HPS3: variants seen among roughly 807,000 people sequenced by gnomAD.
HPS3 encodes HPS3 biogenesis of lysosomal organelles complex 2 subunit 1.
In HPS3, 79 loss-of-function variants were observed where a neutral mutation model predicts 110.9. The observed-to-expected ratio is 0.71, with a 90% CI of 0.59 to 0.86. The LOEUF is 0.86. Among genes scored for constraint, HPS3 ranks in the 40% least tolerant of loss-of-function variants. The probability of loss-of-function intolerance (pLI) is 0.00; values close to 1 mark genes in which losing one functional copy is unlikely to be tolerated. For synonymous variants in HPS3, 428 were observed against 451.0 expected, an observed-to-expected ratio of 0.95 and a Z score of 0.65; for missense variants, 1,197 against 1,206.2, an observed-to-expected ratio of 0.99 and a Z score of 0.11.
At chr3:149,131,962 A>T (rs893885999) in intron 1 of HPS3, among the ~76,000 whole-genome samples, 1 of 152,254 alleles carries the variant, frequency 6.6e-6, no homozygotes, top group Non-Finnish European at 1.5e-5. Flanking sequence ...CCCAGGCTTA[A>T]TACAGAGCAA....
rs760787980 is a variant in HPS3 at position 149,160,280 on chromosome 3, G to T, written c.2106+1G>T. 6.3e-7 allele frequency: 1 copy of T among 1,594,554 alleles called. No homozygotes were observed. Among genetic ancestry groups the T allele is most frequent in the Non-Finnish European group, 8.6e-7 (1 of 1,162,334 alleles). On this transcript the variant is annotated splice_donor_variant, in intron 11 of 16. Transcript: ENST00000296051. LOFTEE classifies it high-confidence loss of function. ...AAATGAAATGAAAAGCCATTCAGAG[G>T]TATGGAGCTCTGCCCGGTGCTAACA...
At chr3:149,138,611 G>A (rs954674055) in intron 1 of HPS3, among the ~76,000 whole-genome samples, 1 of 152,166 alleles carries the variant, frequency 6.6e-6, no homozygotes, top group Non-Finnish European at 1.5e-5. Flanking sequence ...CATGCCATCA[G>A]CAAAGTCAAA....
chr3:149,172,134 A>C lies in HPS3; in HGVS notation c.2927A>C (p.Asp976Ala). 1 of 1,612,774 alleles carries C rather than the reference A, an allele frequency of 6.2e-7. No individual in the cohort carries two copies. The highest frequency in any genetic ancestry group is 2.2e-5 in the East Asian group (1 of 44,850). The change falls in exon 17 of 17, where the codon GAT (aspartate) becomes GCT (alanine). Residue 976 changes from aspartate (D) to alanine (A), a missense_variant. Coordinates refer to ENST00000296051, the MANE Select transcript of HPS3 (RefSeq NM_032383.5). ...GTTGCTGTGGAACTAGAACTGAAGG[A>C]TTTCATGAATGTTCTCCCAGAAGAT... ...SIVAVELELK[D>A]FMNVLPEDGT...
intron 5 of HPS3, among the ~76,000 whole-genome samples, chr3:149,146,165 C>G (rs1176006706): frequency 6.6e-6 from 1 of 152,150 alleles, no homozygotes; most frequent in East Asian, 1.9e-4. Flanking sequence ...GGTTTTGGTT[C>G]TATTTCCTGT....
chr3:149,153,440 T>C (rs1160658280), intron 6 of HPS3, 54 bp from the exon 7 acceptor site: 3 of 1,454,910 alleles, frequency 2.1e-6, no homozygotes, highest in Non-Finnish European at 2.9e-6. Context: ...TTTTTGAAGA[T>C]TGAAGTGCAT....
chr3:149,148,192 G>A (rs1456169238), intron 5 of HPS3, among the ~76,000 whole-genome samples: 1 of 151,758 alleles, frequency 6.6e-6, no homozygotes, highest in African/African-American at 2.4e-5. Context: ...TATTTTACCC[G>A]ATAGATAAAT....
At chr3:149,154,096 T>G (rs948419066) in intron 7 of HPS3, 3 of 165,844 alleles carry the variant, frequency 1.8e-5, no homozygotes, top group Non-Finnish European at 3.9e-5. Flanking sequence ...TCTATAGATA[T>G]GTGCTCATGT....
intron 7 of HPS3, among the ~76,000 whole-genome samples, chr3:149,154,292 T>G (rs1350193559): frequency 6.6e-6 from 1 of 152,252 alleles, no homozygotes; most frequent in Admixed American, 6.5e-5. Context: ...GAAAGAAATC[T>G]CTTCAGGGAG....
chr3:149,164,901 A>G (rs940237022), intron 14 of HPS3, among the ~76,000 whole-genome samples: 1 of 152,120 alleles, frequency 6.6e-6, no homozygotes, highest in Non-Finnish European at 1.5e-5. Flanking sequence ...TGAATTTGCA[A>G]TACCTCATTT....
In HPS3 at chr3:149,167,918, C is replaced by G. The variant is rs763642390; in HGVS notation, c.2822C>G (p.Pro941Arg). Residue 941 changes from proline (P) to arginine (R), a missense_variant, in exon 16 of 17, where the codon CCT becomes CGT. Pro to Arg is a moderately radical substitution (Grantham distance 103, BLOSUM62 -2). Transcript: ENST00000296051. ...ACTCTGTGGTGGAAAAAACTGTTGC[C>G]TGAACTTTGTCAGAGAATAAAATGT... ...NRTLWWKKLLPELCQRIKCGG... is the reference protein window; with the variant it reads ...NRTLWWKKLLRELCQRIKCGG... 6.2e-7 allele frequency: 1 copy of G among 1,606,798 alleles called. No individual in the cohort carries two copies. Among genetic ancestry groups the G allele is most frequent in the Admixed American group, 1.7e-5 (1 of 59,994 alleles).
At chr3:149,145,091 A>T (rs1298646783) in intron 4 of HPS3, among the ~76,000 whole-genome samples, 1 of 152,140 alleles carries the variant, frequency 6.6e-6, no homozygotes, top group Non-Finnish European at 1.5e-5. Context: ...GAGCTCTGCC[A>T]GTGGACTCTT....
At chr3:149,168,477 G>A in intron 16 of HPS3, 1 of 172,378 alleles carries the variant, frequency 5.8e-6, no homozygotes, top group Non-Finnish European at 1.2e-5. Flanking sequence ...AATCTTGGTA[G>A]ATATGTAATC....
At chr3:149,130,306 A>G (rs1721681344) in intron 1 of HPS3, 1 of 339,178 alleles carries the variant, frequency 2.9e-6, no homozygotes, top group African/African-American at 2.1e-5. Flanking sequence ...AAGTAGGAAT[A>G]AGGAGACTAG....
At position 149,162,789 on chromosome 3, in the gene HPS3, C is replaced by A; in HGVS notation, c.2392C>A (p.Leu798Ile). 1.2e-6 allele frequency: 2 copies of A among 1,614,020 alleles called. No individual in the cohort carries two copies. Among genetic ancestry groups the A allele is most frequent in the Non-Finnish European group, 1.7e-6 (2 of 1,179,936 alleles). Residue 798 changes from leucine to isoleucine, a missense_variant, in exon 13 of 17, where the codon CTC (leucine) becomes ATC (isoleucine). Leu to Ile is a conservative substitution (Grantham distance 5). Transcript: ENST00000296051. ...ACLPDVVLQE[L>I]FFKLTSQYIW... ...TCTCCCAGATGTGGTACTTCAGGAA[C>A]TCTTTTTCAAACTCACATCACAGTA...
At chr3:149,161,502 C>T (rs1389768786) in intron 11 of HPS3, among the ~76,000 whole-genome samples, 2 of 148,208 alleles carry the variant, frequency 1.3e-5, no homozygotes, top group Non-Finnish European at 3.0e-5. Context: ...GCAGTTCCCC[C>T]ACACCCTTTT....
chr3:149,153,479 A>G lies in HPS3; in HGVS notation c.1246-15A>G, dbSNP rs972107169. The stretch of plus-strand genomic sequence containing the variant: ...CCTTTATTTCTTGCTTAAATATGTG[A>G]TTTTCCTTTACTAGGCTTGCCCACC... On this transcript the variant is annotated splice_polypyrimidine_tract_variant and intron_variant, in intron 6 of 16. Coordinates refer to ENST00000296051, the MANE Select transcript of HPS3 (RefSeq NM_032383.5). 1.9e-6 allele frequency: 3 copies of G among 1,610,244 alleles called. No homozygotes were observed. Among genetic ancestry groups the G allele is most frequent in the Non-Finnish European group, 2.5e-6 (3 of 1,176,538 alleles).
At chr3:149,147,291 T>C (rs1237157704) in intron 5 of HPS3, among the ~76,000 whole-genome samples, 1 of 152,084 alleles carries the variant, frequency 6.6e-6, no homozygotes, top group Non-Finnish European at 1.5e-5. Context: ...AACTGTAGAT[T>C]AGGGTAAAGA....
chr3:149,143,179 G>A (rs535620403), intron 4 of HPS3, among the ~76,000 whole-genome samples: 34 of 152,160 alleles, frequency 2.2e-4, no homozygotes, highest in East Asian at 7.7e-4. Flanking sequence ...ATTCCATGGC[G>A]TATATGACCT....
chr3:149,134,588 C>T (rs1721970031), intron 1 of HPS3, among the ~76,000 whole-genome samples: 1 of 152,178 alleles, frequency 6.6e-6, no homozygotes, highest in Non-Finnish European at 1.5e-5. Flanking sequence ...ATCTCTATGC[C>T]TGGGCCAAAC....
Sources: gnomAD v4.1 joint callset for allele counts (sites outside exome capture counted in the v4.1 genomes callset) on GRCh38, gnomAD v4.1.1 for gene constraint, MANE v1.5 for transcripts, NCBI Gene and HGNC (gene_info 2026-07-23, HGNC 2026-07-21) for gene names.